TRRAP: variants seen among roughly 807,000 people sequenced by gnomAD.
TRRAP encodes transformation/transcription domain associated protein.
TRRAP carries 41 observed loss-of-function variants against 438.8 expected under a neutral mutation model. That is an observed-to-expected ratio of 0.09 (90% CI 0.07 to 0.12). The LOEUF is 0.12. Among genes scored for constraint, TRRAP ranks in the 10% least tolerant of loss-of-function variants. TRRAP has a pLI of 1.00. For missense variants in TRRAP, 3,122 were observed against 5,055.1 expected (o/e 0.62, Z 11.60); for synonymous variants, 1,994 against 1,962.9 (o/e 1.02, Z -0.42).
rs1554406525 is a variant in TRRAP at position 98,900,654 on chromosome 7, T to C, written c.831T>C (p.Tyr277=). 1.2e-6 allele frequency: 2 copies of C among 1,613,400 alleles called. No homozygotes were observed. Among genetic ancestry groups the C allele is most frequent in the Admixed American group, 3.3e-5 (2 of 59,886 alleles). ...RQHKLYNKEL[Y]ADFIAAQIKT... ...ATAAGCTTTACAACAAGGAGTTGTA[T>C]GCTGACTTCATTGCTGCTCAGATTA... is the stretch of plus-strand genomic sequence containing the variant. The change falls in exon 11 of 73, where the codon TAT becomes TAC. Residue 277 remains tyrosine (Y), a synonymous_variant. Coordinates refer to ENST00000456197, the MANE Select transcript of TRRAP (RefSeq NM_001375524.1).
chr7:98,881,300 C>T (rs782659150), intron 2 of TRRAP, 50 bp downstream of exon 2: 9 of 1,517,684 alleles, frequency 5.9e-6, no homozygotes, highest in African/African-American at 2.8e-5. Context: ...AGGCCGGATG[C>T]GGTGGCTCAC....
At chr7:98,926,676 G>A (rs929393855) in intron 22 of TRRAP, among the ~76,000 whole-genome samples, 4 of 152,010 alleles carry the variant, frequency 2.6e-5, no homozygotes, top group Non-Finnish European at 5.9e-5. Context: ...ATGATAATTC[G>A]TGACCAAATC....
At position 98,991,068 on chromosome 7, in the gene TRRAP, A is replaced by G. The variant is rs113328231; in HGVS notation, c.9756+449A>G. Among the ~76,000 whole-genome samples the G allele has an allele frequency of 3.9e-3, 594 of 152,314 alleles. 2 individuals carry two copies. The highest frequency in any genetic ancestry group is 0.013 in the African/African-American group (520 of 41,566). On this transcript the variant is annotated intron_variant, in intron 64 of 72. Transcript: ENST00000456197. ...GTCGCCCTTTCGACAGTTGAGCTGCATCATAAGGAACCCATGGTTCTCAAG... is the reference window on the plus strand; with the variant it reads ...GTCGCCCTTTCGACAGTTGAGCTGCGTCATAAGGAACCCATGGTTCTCAAG...
chr7:98,883,690 A>G (rs996564061), intron 3 of TRRAP, among the ~76,000 whole-genome samples: 1 of 151,934 alleles, frequency 6.6e-6, no homozygotes, highest in Non-Finnish European at 1.5e-5. Context: ...ATTTTTGTAT[A>G]TTTTGTAGAG....
intron 12 of TRRAP, 53 bp downstream of exon 12, chr7:98,903,570 T>A (rs1422403654): frequency 6.2e-7 from 1 of 1,605,712 alleles, no homozygotes; most frequent in Admixed American, 1.7e-5. Context: ...GTGGCCATCT[T>A]TGGGGACTCG....
chr7:98,987,158 G>A (rs1326700453), intron 62 of TRRAP, among the ~76,000 whole-genome samples: 1 of 152,122 alleles, frequency 6.6e-6, no homozygotes, highest in Non-Finnish European at 1.5e-5. Flanking sequence ...ACCATTTTTT[G>A]TGGGCTTATT....
chr7:98,969,681 C>T (rs574370390), intron 51 of TRRAP, among the ~76,000 whole-genome samples: 198 of 118,162 alleles, frequency 1.7e-3, no homozygotes, highest in African/African-American at 5.5e-3. Context: ...CAGTACATCA[C>T]GGAGGGGCTC....
At chr7:98,995,649 C>G (rs1275283621) in intron 67 of TRRAP, among the ~76,000 whole-genome samples, 3 of 143,524 alleles carry the variant, frequency 2.1e-5, no homozygotes, top group Admixed American at 6.8e-5. Flanking sequence ...CCACAGTATC[C>G]CCCCCCCACC....
At chr7:98,932,915 T>C (rs959468293) in intron 26 of TRRAP, among the ~76,000 whole-genome samples, 1 of 152,160 alleles carries the variant, frequency 6.6e-6, no homozygotes, top group African/African-American at 2.4e-5. Context: ...AAAAACAGTG[T>C]ACTTCAAGAG....
At chr7:98,972,610 A>G (rs1227350232) in intron 53 of TRRAP, among the ~76,000 whole-genome samples, 1 of 152,188 alleles carries the variant, frequency 6.6e-6, no homozygotes, top group Non-Finnish European at 1.5e-5. Flanking sequence ...TCTCAGGTAA[A>G]TTATAAGTCT....
At chr7:98,931,369 G>T in intron 25 of TRRAP, 36 bp from the exon 26 acceptor site, 1 of 1,602,760 alleles carries the variant, frequency 6.2e-7, no homozygotes. Context: ...GGGTGGCATC[G>T]CCCTGCTTTC....
intron 4 of TRRAP, among the ~76,000 whole-genome samples, chr7:98,891,536 CTTTTT>C (rs561135092): frequency 8.6e-6 from 1 of 116,944 alleles, no homozygotes; most frequent in Non-Finnish European, 1.8e-5. Context: ...GCATGTAGCT[CTTTTT>C]TTTTTTTTTT....
intron 19 of TRRAP, among the ~76,000 whole-genome samples, chr7:98,916,384 CAT>C (rs2116440822): frequency 6.6e-6 from 1 of 152,282 alleles, no homozygotes; most frequent in East Asian, 1.9e-4. Context: ...TCTCAAGGTA[CAT>C]AGTTAACAGG....
chr7:98,927,122 T>G, intron 22 of TRRAP, 45 bp from the exon 23 acceptor site: 3 of 1,609,278 alleles, frequency 1.9e-6, no homozygotes, highest in Non-Finnish European at 2.6e-6. Context: ...AGTCATCAGC[T>G]CAGGAGTTGG....
rs781831172 is a variant in TRRAP at position 98,949,749 on chromosome 7, G to A, written c.5043G>A (p.Glu1681=). The A allele has an allele frequency of 2.5e-6, 4 of 1,613,826 alleles. No individual in the cohort carries two copies. In the Admixed American group the frequency reaches 6.7e-5, roughly 27 times the overall value. ...AGTTGCGACGTGTGTGGGTGAGTGA[G>A]AACTTCCAAGAGAGGCACCGCAAGG... The part of the protein sequence containing the change: ...VSQLRRVWVS[E]NFQERHRKEN... The change falls in exon 37 of 73, where the codon GAG becomes GAA. Residue 1681 remains glutamate (E), a synonymous_variant. Transcript: ENST00000456197.
intron 69 of TRRAP, among the ~76,000 whole-genome samples, chr7:99,006,129 A>G (rs1794154763): frequency 6.6e-6 from 1 of 152,188 alleles, no homozygotes; most frequent in Non-Finnish European, 1.5e-5. Flanking sequence ...AGTCTTTGTC[A>G]CTGAGTTATC....
Position 98,976,026 on chromosome 7 carries a change from GA to G in TRRAP, c.7840-120del. Reference sequence around the variant, plus strand: ...TAACATGGCATTTTCTCAGATCTTTGAAACTTTGAAAGTGGAGGAGCATCGG... The same window carrying G: ...TAACATGGCATTTTCTCAGATCTTTGAACTTTGAAAGTGGAGGAGCATCGG... On this transcript the variant is annotated intron_variant, in intron 53 of 72. Transcript: ENST00000456197. This position sits in a 1 kb window ranked among gnomAD's most constrained non-coding sequence, Gnocchi z 4.6. 1.6e-6 allele frequency: 2 copies of G among 1,266,186 alleles called. No individual in the cohort carries two copies. The highest frequency in any genetic ancestry group is 5.4e-5 in the Admixed American group (2 of 36,870). The allele number at this position is 1,266,186 out of a possible 1,614,324, so 78.4% of individuals were successfully genotyped here. A position where few individuals can be genotyped will look rare whatever the true frequency, so the allele number is the denominator to read the frequency against.
intron 53 of TRRAP, among the ~76,000 whole-genome samples, chr7:98,973,476 G>T (rs1404912820): frequency 6.6e-6 from 1 of 152,142 alleles, no homozygotes; most frequent in Non-Finnish European, 1.5e-5. Context: ...AGGATATTTG[G>T]TTTTACTCAA....
chr7:98,968,224 G>A (rs1792247627), intron 51 of TRRAP, among the ~76,000 whole-genome samples: 1 of 152,060 alleles, frequency 6.6e-6, no homozygotes, highest in Admixed American at 6.6e-5. Context: ...TCACCATGTT[G>A]CCCGGGCTGG....
Sources: allele counts gnomAD v4.1 joint callset (sites outside exome capture counted in the v4.1 genomes callset), GRCh38; gene constraint gnomAD v4.1.1; non-coding constraint Gnocchi (gnomAD v3.1); transcripts MANE v1.5; gene names NCBI Gene and HGNC (gene_info 2026-07-23, HGNC 2026-07-21).